ABAT: variants seen among roughly 807,000 people sequenced by gnomAD.
ABAT encodes 4-aminobutyrate aminotransferase.
In ABAT, 45 loss-of-function variants were observed where a neutral mutation model predicts 64.6. That is an observed-to-expected ratio of 0.70 (90% CI 0.55 to 0.89). The LOEUF (loss-of-function observed/expected upper bound fraction) is 0.89. Ranked by LOEUF, ABAT falls within the 40% of genes least tolerant of loss-of-function variation. The pLI is 0.00. For missense variants in ABAT, 633 were observed against 658.4 expected, an observed-to-expected ratio of 0.96 and a Z score of 0.42; for synonymous variants, 297 against 250.5, an observed-to-expected ratio of 1.19 and a Z score of -1.75.
chr16:8,737,947 A>AAGGAAAG (rs574063010), intron 2 of ABAT, among the ~76,000 whole-genome samples: 1 of 24,498 alleles, frequency 4.1e-5, no homozygotes, highest in Non-Finnish European at 9.4e-5. Context: ...AAGGAAAGGA[A>AAGGAAAG]GAAAGGAAGG....
rs138405480 is a variant in ABAT at position 8,679,002 on chromosome 16, C to T, written c.-42+4291C>T. Among the ~76,000 whole-genome samples, 650 of 152,106 alleles carry T rather than the reference C, an allele frequency of 4.3e-3. 7 individuals carry two copies. The highest frequency in any genetic ancestry group is 0.013 in the African/African-American group (541 of 41,490). ...GGGGAAGAAGAAGAAAATAAATCTC[C>T]GCCAGCTTCCCATGCATTAAAAATG... On this transcript the variant is annotated intron_variant, in intron 1 of 15. Coordinates refer to ENST00000268251, the MANE Select transcript of ABAT (RefSeq NM_020686.6).
chr16:8,676,141 G>A (rs977201425), intron 1 of ABAT, among the ~76,000 whole-genome samples: 11 of 152,238 alleles, frequency 7.2e-5, no homozygotes, highest in Middle Eastern at 3.4e-3. Flanking sequence ...CCTGTGTTGC[G>A]GCGTGGAGTC....
At chr16:8,778,648 G>C (rs527825809) in intron 14 of ABAT, among the ~76,000 whole-genome samples, 8 of 152,124 alleles carry the variant, frequency 5.3e-5, no homozygotes, top group African/African-American at 1.9e-4. Context: ...TGTGATGGCA[G>C]GTGCCTGTAA....
intron 1 of ABAT, among the ~76,000 whole-genome samples, chr16:8,710,389 C>T (rs1329028051): frequency 6.6e-6 from 1 of 152,072 alleles, no homozygotes; most frequent in African/African-American, 2.4e-5. Context: ...CCATTTCTAC[C>T]TCCATGTTGA....
intron 6 of ABAT, chr16:8,760,510 A>T (rs1364694281): frequency 6.6e-6 from 1 of 152,242 alleles, no homozygotes; most frequent in Non-Finnish European, 1.5e-5. Context: ...GGGCCAGGGG[A>T]CACTCTTGCC....
intron 1 of ABAT, among the ~76,000 whole-genome samples, chr16:8,721,321 T>A (rs1186839543): frequency 6.6e-6 from 1 of 152,154 alleles, no homozygotes; most frequent in Non-Finnish European, 1.5e-5. Flanking sequence ...GATTTGAGGA[T>A]CATGAAGTCC....
rs1391579868 is a variant in ABAT, at chr16:8,737,993, A to AAGGAAGGAAGGAAGGAAGGAAGG, written c.70+2185_70+2186insGGAAGGAAGGAAGGAAGGAAGGA. 1.5e-4 allele frequency among the ~76,000 whole-genome samples: 7 copies of AAGGAAGGAAGGAAGGAAGGAAGG among 45,900 alleles called. 2 individuals carry two copies. The highest frequency in any genetic ancestry group is 7.8e-4 in the East Asian group (1 of 1,280). The allele number at this position is 45,900 out of a possible 152,430, so 30.1% of individuals were successfully genotyped here. A position where few individuals can be genotyped will look rare whatever the true frequency, so the allele number is the denominator to read the frequency against. On this transcript the variant is annotated intron_variant, in intron 2 of 15. Coordinates refer to ENST00000268251, the MANE Select transcript of ABAT (RefSeq NM_020686.6). ...GGAAGGAAGGAAGGAAGGAAGGAGG[A>AAGGAAGGAAGGAAGGAAGGAAGG]AAGAAAGAAAGAAAGAAAGAAAGGA...
chr16:8,774,075 C>G (rs1479055321), intron 12 of ABAT, among the ~76,000 whole-genome samples: 2 of 152,102 alleles, frequency 1.3e-5, no homozygotes, highest in African/African-American at 2.4e-5. Context: ...ATTACAGGTG[C>G]ACGACACCAT....
chr16:8,774,121 G>T (rs1216273853), intron 12 of ABAT, among the ~76,000 whole-genome samples: 3 of 152,024 alleles, frequency 2.0e-5, no homozygotes, highest in Non-Finnish European at 2.9e-5. Flanking sequence ...TAGAGACGGG[G>T]TTTCGCCATG....
rs1445225160 is a variant in ABAT, at chr16:8,757,666, TGGAAAGGAAG to T, written c.317-87_317-78del. 27 of 1,353,000 alleles carry T rather than the reference TGGAAAGGAAG, an allele frequency of 2.0e-5. No individual in the cohort carries two copies. The Middle Eastern group carries it at 7.2e-4, about 36-fold the overall frequency. 83.8% of individuals were successfully genotyped at this position (1,353,000 alleles called of 1,614,324 possible). Reference sequence around the variant, plus strand: ...TGGTTTTTAAAGAGAGTTGGGGGGTTGGAAAGGAAGGGAGAGGGAAGGAGAGGTGGGAGGG... The same window carrying T: ...TGGTTTTTAAAGAGAGTTGGGGGGTTGGAGAGGGAAGGAGAGGTGGGAGGG... On this transcript the variant is annotated intron_variant, in intron 5 of 15. Coordinates refer to ENST00000268251, the MANE Select transcript of ABAT (RefSeq NM_020686.6).
Position 8,776,611 on chromosome 16 carries a change from T to A in ABAT, c.1269+121T>A, listed in dbSNP as rs1342913353. ...GCTGTTCCAGCAGTTCGTAACGGGC[T>A]GTGCTGCTCCTAGCCTTGGGGGCTT... On this transcript the variant is annotated intron_variant, in intron 14 of 15. Transcript: ENST00000268251. This position sits in a 1 kb window ranked among gnomAD's most constrained non-coding sequence, Gnocchi z 4.4. 9.1e-7 allele frequency: 1 copy of A among 1,096,424 alleles called. No homozygotes were observed. Among genetic ancestry groups the A allele is most frequent in the Non-Finnish European group, 1.3e-6 (1 of 747,336 alleles). 67.9% of individuals were successfully genotyped at this position (1,096,424 alleles called of 1,614,324 possible). A position where few individuals can be genotyped will look rare whatever the true frequency, so the allele number is the denominator to read the frequency against.
In ABAT at chr16:8,738,598, TTTTTTG is replaced by T. The variant is rs757851425; in HGVS notation, c.70+2819_70+2824del. 215 of 377,720 alleles carry T rather than the reference TTTTTTG, an allele frequency of 5.7e-4. 13 individuals are homozygous for T. The highest frequency in any genetic ancestry group is 1.8e-3 in the East Asian group (24 of 13,290). 23.4% of individuals were successfully genotyped at this position (377,720 alleles called of 1,614,324 possible). ...TTGAGGTTTTGCTTTTCCTTTTTTC[TTTTTTG>T]TTTTTGTTTTTGTTTTTGTTTTTGT... is the stretch of plus-strand genomic sequence containing the variant. On this transcript the variant is annotated intron_variant, in intron 2 of 15. Transcript: ENST00000268251.
chr16:8,716,220 T>A (rs1260215553), intron 1 of ABAT, among the ~76,000 whole-genome samples: 1 of 152,138 alleles, frequency 6.6e-6, no homozygotes, highest in Admixed American at 6.5e-5. Context: ...TTTGTGAAAT[T>A]TAGTACTAAA....
chr16:8,678,997 A>G (rs2057268112), intron 1 of ABAT, among the ~76,000 whole-genome samples: 2 of 152,228 alleles, frequency 1.3e-5, no homozygotes, highest in South Asian at 4.1e-4. Flanking sequence ...AAGAAAATAA[A>G]TCTCCGCCAG....
intron 9 of ABAT, among the ~76,000 whole-genome samples, chr16:8,766,951 C>T (rs2059963644): frequency 6.6e-6 from 1 of 152,146 alleles, no homozygotes; most frequent in Non-Finnish European, 1.5e-5. Flanking sequence ...AGCCTGGCGA[C>T]AGAGCAAGAC....
rs1306099292 is a variant in ABAT, at chr16:8,776,156, G to A, written c.1123-188G>A. On this transcript the variant is annotated intron_variant, in intron 13 of 15. Transcript: ENST00000268251. This position sits in a 1 kb window ranked among gnomAD's most constrained non-coding sequence, Gnocchi z 4.4. ...GGAAGAATTCAGCAAGATTGGGTGT[G>A]TTCTCCTGCTAGCCTCTGGTAGAGA... Among the ~76,000 whole-genome samples the A allele has an allele frequency of 6.6e-6, 1 of 152,192 alleles. No homozygotes were observed. Among genetic ancestry groups the A allele is most frequent in the Non-Finnish European group, 1.5e-5 (1 of 68,028 alleles).
rs186878402 is a variant in ABAT at position 8,758,150 on chromosome 16, T to C, written c.366+344T>C. Among the ~76,000 whole-genome samples, 27 of 152,338 alleles carry C rather than the reference T, an allele frequency of 1.8e-4. No individual in the cohort carries two copies. In the East Asian group the frequency reaches 5.0e-3, roughly 28 times the overall value. Reference sequence around the variant, plus strand: ...GTACCAAACACTGTGTTCAGCACTTTATAGCGACAATATTGACAAGTCTGT... The same window carrying C: ...GTACCAAACACTGTGTTCAGCACTTCATAGCGACAATATTGACAAGTCTGT... On this transcript the variant is annotated intron_variant, in intron 6 of 15. Transcript: ENST00000268251.
Position 8,776,839 on chromosome 16 carries a change from A to G in ABAT, c.1269+349A>G, listed in dbSNP as rs938670681. 6.6e-6 allele frequency among the ~76,000 whole-genome samples: 1 copy of G among 152,064 alleles called. No homozygotes were observed. The highest frequency in any genetic ancestry group is 6.5e-5 in the Admixed American group (1 of 15,270). On this transcript the variant is annotated intron_variant, in intron 14 of 15. Transcript: ENST00000268251. This position sits in a 1 kb window ranked among gnomAD's most constrained non-coding sequence, Gnocchi z 4.4. ...AACGATCCTTCCACCTCAGCCTCCC[A>G]AAGTGCTGGGCAGCGCCTGCCGGCA... is the stretch of plus-strand genomic sequence containing the variant.
At chr16:8,748,384 A>G (rs1019399153) in intron 4 of ABAT, among the ~76,000 whole-genome samples, 6 of 152,156 alleles carry the variant, frequency 3.9e-5, no homozygotes, top group African/African-American at 4.8e-5. Context: ...TCATTCCATT[A>G]TGGTTGGAAA....
Sources: allele counts gnomAD v4.1 joint callset (sites outside exome capture counted in the v4.1 genomes callset), GRCh38; gene constraint gnomAD v4.1.1; non-coding constraint Gnocchi (gnomAD v3.1); transcripts MANE v1.5; gene names NCBI Gene and HGNC (gene_info 2026-07-23, HGNC 2026-07-21).